Variants in DENND5B observed in about 807,000 individuals in gnomAD.
The protein encoded by DENND5B is DENN domain-containing protein 5B.
In DENND5B, 34 loss-of-function variants were observed where a neutral mutation model predicts 140.6. The ratio of observed to expected loss-of-function variants is 0.24; its 90% CI spans 0.18 to 0.32. DENND5B has a LOEUF of 0.32. DENND5B is among the 10% of genes least tolerant of loss of function. The pLI is 1.00. For missense variants in DENND5B, 1,142 were observed against 1,560.2 expected (o/e 0.73, Z 4.52); for synonymous variants, 551 against 562.1 (o/e 0.98, Z 0.28).
At chr12:31,514,652 C>G (rs944493910) in intron 1 of DENND5B, among the ~76,000 whole-genome samples, 4 of 151,684 alleles carry the variant, frequency 2.6e-5, no homozygotes, top group Admixed American at 6.6e-5. Context: ...CCCATCTCTA[C>G]TAAAAATACA....
intron 14 of DENND5B, among the ~76,000 whole-genome samples, chr12:31,407,114 A>T (rs950847393): frequency 4.0e-5 from 6 of 151,416 alleles, no homozygotes; most frequent in Admixed American, 1.3e-4. Context: ...CGATTTAATT[A>T]AATTAATTAA....
intron 2 of DENND5B, among the ~76,000 whole-genome samples, chr12:31,493,958 T>C (rs2138715380): frequency 6.6e-6 from 1 of 152,246 alleles, no homozygotes; most frequent in East Asian, 1.9e-4. Flanking sequence ...ACCCAATTCA[T>C]TTCTATATCT....
chr12:31,417,356 C>CAAAAAA (rs767142927), intron 11 of DENND5B, among the ~76,000 whole-genome samples: 7 of 40,108 alleles, frequency 1.7e-4, no homozygotes, highest in East Asian at 7.3e-4. Context: ...GACTCTGTCT[C>CAAAAAA]AAAAAAAAAA....
At chr12:31,499,568 T>G in intron 1 of DENND5B, 1 of 1,420,182 alleles carries the variant, frequency 7.0e-7, no homozygotes, top group Non-Finnish European at 9.2e-7. Context: ...AAATAATGAT[T>G]TATAATAGCC....
chr12:31,575,849 T>C (rs1307059198), intron 1 of DENND5B, among the ~76,000 whole-genome samples: 1 of 151,994 alleles, frequency 6.6e-6, no homozygotes, highest in Admixed American at 6.6e-5. Context: ...GCCTGTAATA[T>C]CAGCTACTTG....
chr12:31,482,832 AAGC>A (rs1404122485), intron 2 of DENND5B, among the ~76,000 whole-genome samples: 7 of 152,162 alleles, frequency 4.6e-5, no homozygotes, highest in Non-Finnish European at 1.0e-4. Flanking sequence ...ATAAGAGCCA[AAGC>A]AATCCTTAAA....
At chr12:31,415,478 G>A in intron 11 of DENND5B, 30 bp from the exon 12 acceptor site, 1 of 1,510,218 alleles carries the variant, frequency 6.6e-7, no homozygotes, top group Non-Finnish European at 9.0e-7. Context: ...CAAAATATTA[G>A]AAAAGTAATA....
At chr12:31,473,082 G>A (rs915490113) in intron 3 of DENND5B, among the ~76,000 whole-genome samples, 1 of 152,150 alleles carries the variant, frequency 6.6e-6, no homozygotes, top group African/African-American at 2.4e-5. Flanking sequence ...GAGACTACAG[G>A]TGCACACTAC....
chr12:31,534,835 G>GT (rs1439091406), intron 1 of DENND5B: 1 of 458,630 alleles, frequency 2.2e-6, no homozygotes, highest in African/African-American at 2.1e-5. Flanking sequence ...CTGGTTTGAT[G>GT]TAATGGTTCA....
rs148482363 is a variant in DENND5B, at chr12:31,472,518, C to T, written c.904+7071G>A. 1.6e-3 allele frequency among the ~76,000 whole-genome samples: 241 copies of T among 152,222 alleles called. 1 individual carries two copies. The highest frequency in any genetic ancestry group is 2.5e-3 in the Non-Finnish European group (168 of 68,022). On this transcript the variant is annotated intron_variant, in intron 3 of 20. Coordinates refer to ENST00000389082, the MANE Select transcript of DENND5B (RefSeq NM_144973.4). ...TGTTGGCCAGGCTGGTCTCAAACTC[C>T]TGAACTCAGGTGATCTGCCCACCTC...
chr12:31,556,291 G>A (rs887374355), intron 1 of DENND5B, among the ~76,000 whole-genome samples: 4 of 151,720 alleles, frequency 2.6e-5, no homozygotes, highest in Admixed American at 6.6e-5. Flanking sequence ...TGCAACCTCC[G>A]CCTCCTGGGT....
intron 3 of DENND5B, among the ~76,000 whole-genome samples, chr12:31,467,483 G>GA (rs1422640945): frequency 2.6e-5 from 4 of 151,422 alleles, no homozygotes; most frequent in Non-Finnish European, 4.4e-5. Flanking sequence ...AAAAAAGTAA[G>GA]AAAAAAATTA....
chr12:31,498,463 AAG>A, intron 1 of DENND5B, among the ~76,000 whole-genome samples: 1 of 152,278 alleles, frequency 6.6e-6, no homozygotes, highest in Non-Finnish European at 1.5e-5. Flanking sequence ...CACCTCCAGA[AAG>A]AAATAATTTT....
chr12:31,460,159 A>C, intron 4 of DENND5B, 35 bp downstream of exon 4: 3 of 1,579,826 alleles, frequency 1.9e-6, no homozygotes, highest in Non-Finnish European at 2.6e-6. Flanking sequence ...TAAATCAGCA[A>C]ACAGCAAATG....
intron 6 of DENND5B, among the ~76,000 whole-genome samples, chr12:31,443,384 A>AT (rs1046303773): frequency 2.0e-5 from 3 of 152,136 alleles, no homozygotes; most frequent in African/African-American, 7.2e-5. Context: ...CTTGAAATAG[A>AT]TTTTTACAAG....
At position 31,452,017 on chromosome 12, in the gene DENND5B, C is replaced by T; in HGVS notation, c.1552G>A (p.Glu518Lys). The part of the protein sequence containing the change: ...NRFTQMFADY[E>K]AFVIQTAQDM... ...TGGGCAGTCTGAATGACAAATGCTT[C>T]GTAATCTGCAAACATCTGTGTAAAA... Residue 518 changes from glutamate (E) to lysine (K), a missense_variant, in exon 5 of 21, where the codon GAA becomes AAA. By Grantham distance (56) the Glu-to-Lys change is moderately conservative. This residue lies in a region of DENND5B where 708 missense variants were observed against 905.5 expected (regional missense o/e 0.78). Transcript: ENST00000389082. The T allele has an allele frequency of 1.2e-6, 2 of 1,613,622 alleles. No individual in the cohort carries two copies. The highest frequency in any genetic ancestry group is 8.5e-7 in the Non-Finnish European group (1 of 1,179,826).
chr12:31,386,576 C>T lies in DENND5B; in HGVS notation c.*1027G>A, dbSNP rs993562189. The T allele has an allele frequency of 7.9e-5, 12 of 152,184 alleles. No homozygotes were observed. The highest frequency in any genetic ancestry group is 1.6e-4 in the Non-Finnish European group (11 of 68,056). 9.4% of individuals were successfully genotyped at this position (152,184 alleles called of 1,614,324 possible). A position where few individuals can be genotyped will look rare whatever the true frequency, so the allele number is the denominator to read the frequency against. On this transcript the variant is annotated 3_prime_UTR_variant, in exon 21 of 21. Coordinates refer to ENST00000389082, the MANE Select transcript of DENND5B (RefSeq NM_144973.4). Reference sequence around the variant, plus strand: ...TTATCATGGTCAACAAATGCTTTCACAAAAACATTCCAAGCCACACACAGC... The same window carrying T: ...TTATCATGGTCAACAAATGCTTTCATAAAAACATTCCAAGCCACACACAGC...
chr12:31,508,416 G>A (rs1337959752), intron 1 of DENND5B, among the ~76,000 whole-genome samples: 2 of 152,104 alleles, frequency 1.3e-5, no homozygotes, highest in Admixed American at 1.3e-4. Context: ...AAATTACAAG[G>A]TAGAGAAGGG....
At chr12:31,505,000 T>C (rs1947140253) in intron 1 of DENND5B, among the ~76,000 whole-genome samples, 1 of 152,178 alleles carries the variant, frequency 6.6e-6, no homozygotes, top group Non-Finnish European at 1.5e-5. Flanking sequence ...TACATTACAC[T>C]AAACGTGAAT....
Sources: gnomAD v4.1 joint callset for allele counts (sites outside exome capture counted in the v4.1 genomes callset) on GRCh38, gnomAD v4.1.1 for gene constraint, gnomAD v4.1.1 regional missense constraint, MANE v1.5 for transcripts, NCBI Gene and HGNC (gene_info 2026-07-23, HGNC 2026-07-21) for gene names.